Variants in DTWD2 observed in about 807,000 individuals in gnomAD.
DTWD2 encodes the protein tRNA-uridine aminocarboxypropyltransferase 2.
Under a neutral mutation model 31.8 loss-of-function variants are expected in DTWD2, and 39 were observed. That is an observed-to-expected ratio of 1.22 (90% CI 0.95 to 1.60). The LOEUF is 1.60. Among genes scored for constraint, DTWD2 ranks in the 40% most tolerant of loss-of-function variants. DTWD2 has a pLI of 0.00. For missense variants in DTWD2, 515 were observed against 381.5 expected (o/e 1.35, Z -2.92); for synonymous variants, 180 against 142.8 (o/e 1.26, Z -1.86).
intron 1 of DTWD2, among the ~76,000 whole-genome samples, chr5:118,960,568 C>T (rs1381063482): frequency 6.6e-6 from 1 of 152,146 alleles, no homozygotes; most frequent in African/African-American, 2.4e-5. Flanking sequence ...CCAGCAATCC[C>T]ATTATTGGGT....
At chr5:118,915,534 C>T (rs1753555569) in intron 4 of DTWD2, among the ~76,000 whole-genome samples, 1 of 152,136 alleles carries the variant, frequency 6.6e-6, no homozygotes, top group East Asian at 1.9e-4. Flanking sequence ...ACCACCACAC[C>T]TGGCTAATTT....
At position 118,838,758 on chromosome 5, in the gene DTWD2, T is replaced by A. The variant is rs562205908; in HGVS notation, c.*2159A>T. On this transcript the variant is annotated 3_prime_UTR_variant, in exon 6 of 6. Coordinates refer to ENST00000510708, the MANE Select transcript of DTWD2 (RefSeq NM_173666.4). ...AACACTAAATTTTAAGCTTTTTAAG[T>A]CTTCAAAAATACTCTAAAATGTTTT... The A allele has an allele frequency of 1.6e-5, 2 of 127,872 alleles. No individual in the cohort carries two copies. Among genetic ancestry groups the A allele is most frequent in the Non-Finnish European group, 3.2e-5 (2 of 63,314 alleles). 7.9% of individuals were successfully genotyped at this position (127,872 alleles called of 1,614,324 possible). A position where few individuals can be genotyped will look rare whatever the true frequency, so the allele number is the denominator to read the frequency against.
rs547100793 is a variant in DTWD2 at position 118,840,720 on chromosome 5, C to A, written c.*197G>T. ...TTTAAAAACAAGTACAGTAGGAAAT[C>A]CTGCTTTTCAGTGAGCCAGTGAATT... On this transcript the variant is annotated 3_prime_UTR_variant, in exon 6 of 6. Transcript: ENST00000510708. 5.2e-5 allele frequency: 26 copies of A among 495,270 alleles called. No homozygotes were observed. The East Asian group carries it at 1.0e-3, about 19-fold the overall frequency. The allele number at this position is 495,270 out of a possible 1,614,324, so 30.7% of individuals were successfully genotyped here.
At chr5:118,950,789 T>C (rs1754446763) in intron 1 of DTWD2, among the ~76,000 whole-genome samples, 1 of 152,208 alleles carries the variant, frequency 6.6e-6, no homozygotes, top group Non-Finnish European at 1.5e-5. Flanking sequence ...GGCAAGTAAT[T>C]GCAACTCAGA....
At chr5:118,987,501 A>T (rs928870236) in intron 1 of DTWD2, among the ~76,000 whole-genome samples, 3 of 152,308 alleles carry the variant, frequency 2.0e-5, no homozygotes, top group African/African-American at 7.2e-5. Context: ...TCATCTTTCA[A>T]ATCTCAGAGA....
At chr5:118,973,496 T>C (rs1755040230) in intron 1 of DTWD2, among the ~76,000 whole-genome samples, 1 of 152,230 alleles carries the variant, frequency 6.6e-6, no homozygotes, top group South Asian at 2.1e-4. Flanking sequence ...AAGGATTTTA[T>C]TGCTCCTTCA....
At chr5:118,881,666 C>T (rs911440316) in intron 4 of DTWD2, among the ~76,000 whole-genome samples, 1 of 152,068 alleles carries the variant, frequency 6.6e-6, no homozygotes, top group South Asian at 2.1e-4. Flanking sequence ...CTTACAATTA[C>T]GGTAGAAAGT....
chr5:118,852,423 T>C (rs1048235019), intron 4 of DTWD2, among the ~76,000 whole-genome samples: 13 of 152,284 alleles, frequency 8.5e-5, no homozygotes, highest in Non-Finnish European at 1.5e-4. Flanking sequence ...TAAATGTCCA[T>C]GAAATCTTCA....
At position 118,883,439 on chromosome 5, in the gene DTWD2, T is replaced by G. The variant is rs58271654; in HGVS notation, c.598-35221A>C. ...GCTGCTTTCACATTTTCAGATTATCTTTATAGCAGTACCCACTCTGCCAGT... is the reference window on the plus strand; with the variant it reads ...GCTGCTTTCACATTTTCAGATTATCGTTATAGCAGTACCCACTCTGCCAGT... On this transcript the variant is annotated intron_variant, in intron 4 of 5. Transcript: ENST00000510708. Among the ~76,000 whole-genome samples the G allele has an allele frequency of 4.7e-3, 710 of 152,332 alleles. 6 individuals carry two copies. The highest frequency in any genetic ancestry group is 0.017 in the African/African-American group (695 of 41,566).
intron 3 of DTWD2, among the ~76,000 whole-genome samples, chr5:118,930,819 C>A (rs564340993): frequency 1.1e-4 from 16 of 145,758 alleles, no homozygotes; most frequent in Non-Finnish European, 2.2e-4. Context: ...TCAATAGAAA[C>A]ACAGAGTAGA....
intron 4 of DTWD2, among the ~76,000 whole-genome samples, chr5:118,859,880 G>A (rs1206675267): frequency 6.6e-6 from 1 of 152,150 alleles, no homozygotes; most frequent in Non-Finnish European, 1.5e-5. Flanking sequence ...CACTTTGGGA[G>A]GCCAAGACAG....
chr5:118,940,465 T>C (rs1561463873), intron 2 of DTWD2, among the ~76,000 whole-genome samples: 1 of 152,218 alleles, frequency 6.6e-6, no homozygotes, highest in Non-Finnish European at 1.5e-5. Flanking sequence ...CAGTACCACA[T>C]CCTGGAGGCA....
intron 1 of DTWD2, among the ~76,000 whole-genome samples, chr5:118,957,725 T>C (rs1458107935): frequency 3.3e-5 from 5 of 152,210 alleles, no homozygotes; most frequent in African/African-American, 1.2e-4. Context: ...CCAGAGGGCA[T>C]GCCTAGAGCA....
chr5:118,973,331 T>C (rs1204137511), intron 1 of DTWD2, among the ~76,000 whole-genome samples: 3 of 152,216 alleles, frequency 2.0e-5, no homozygotes, highest in Non-Finnish European at 2.9e-5. Flanking sequence ...CCTTAGTTGA[T>C]GCAGTTTCTT....
At position 118,840,715 on chromosome 5, in the gene DTWD2, G is replaced by T. The variant is rs1219067578; in HGVS notation, c.*202C>A. On this transcript the variant is annotated 3_prime_UTR_variant, in exon 6 of 6. Transcript: ENST00000510708. ...ACATTTTTAAAAACAAGTACAGTAG[G>T]AAATCCTGCTTTTCAGTGAGCCAGT... 59 of 477,032 alleles carry T rather than the reference G, an allele frequency of 1.2e-4. 1 individual carries two copies. The Admixed American group carries it at 2.6e-3, about 21-fold the overall frequency. The allele number at this position is 477,032 out of a possible 1,614,324, so 29.5% of individuals were successfully genotyped here.
chr5:118,866,912 GTC>G (rs987039348), intron 4 of DTWD2, among the ~76,000 whole-genome samples: 1 of 149,974 alleles, frequency 6.7e-6, no homozygotes, highest in Non-Finnish European at 1.5e-5. Flanking sequence ...GTGAGACTCT[GTC>G]TCAAAAAAAA....
chr5:118,986,381 ATATGT>A (rs1755428106), intron 1 of DTWD2, among the ~76,000 whole-genome samples: 1 of 152,168 alleles, frequency 6.6e-6, no homozygotes, highest in Non-Finnish European at 1.5e-5. Context: ...CATATTTAAG[ATATGT>A]TATATTTATA....
intron 3 of DTWD2, among the ~76,000 whole-genome samples, chr5:118,937,383 C>A (rs1221814549): frequency 8.3e-5 from 11 of 132,172 alleles, no homozygotes; most frequent in African/African-American, 1.7e-4. Flanking sequence ...GTTATCACTG[C>A]AAAAAAAAAA....
chr5:118,956,707 G>A (rs1456509156), intron 1 of DTWD2, among the ~76,000 whole-genome samples: 3 of 152,102 alleles, frequency 2.0e-5, no homozygotes, highest in Non-Finnish European at 4.4e-5. Flanking sequence ...TCTTTTTAAA[G>A]AGTACTAAAC....
Sources: allele counts gnomAD v4.1 joint callset (sites outside exome capture counted in the v4.1 genomes callset), GRCh38; gene constraint gnomAD v4.1.1; transcripts MANE v1.5; gene names NCBI Gene and HGNC (gene_info 2026-07-23, HGNC 2026-07-21).